The following GLG1 variants were observed in gnomAD, a reference collection of about 807,000 sequenced individuals.
GLG1 encodes the protein Golgi apparatus protein 1.
Under a neutral mutation model 160.5 loss-of-function variants are expected in GLG1, and 38 were observed. The observed-to-expected ratio is 0.24, with a 90% CI of 0.18 to 0.31. GLG1 has a LOEUF of 0.31. Among genes scored for constraint, GLG1 ranks in the 10% least tolerant of loss-of-function variants. The probability of loss-of-function intolerance (pLI) is 1.00; values close to 1 mark genes in which losing one functional copy is unlikely to be tolerated. For missense variants in GLG1, 1,373 were observed against 1,505.2 expected (o/e 0.91, Z 1.45); for synonymous variants, 644 against 543.4 (o/e 1.19, Z -2.57).
intron 1 of GLG1, among the ~76,000 whole-genome samples, chr16:74,565,626 TC>T (rs2018634126): frequency 6.6e-6 from 1 of 152,320 alleles, no homozygotes; most frequent in East Asian, 1.9e-4. Flanking sequence ...GTACCTCACT[TC>T]CTTTCCTGTA....
rs369032735 is a variant in GLG1, at chr16:74,589,212, G to A, written c.438+17445C>T. On this transcript the variant is annotated intron_variant, in intron 1 of 25. Transcript: ENST00000422840. Reference sequence around the variant, plus strand: ...AGAGGTTGCAGTGAGCCAAGATTGCGCCACTGCACTCCAGCCTGGGTGAAA... The same window carrying A: ...AGAGGTTGCAGTGAGCCAAGATTGCACCACTGCACTCCAGCCTGGGTGAAA... Among the ~76,000 whole-genome samples the A allele has an allele frequency of 2.0e-4, 30 of 151,048 alleles. 1 individual carries two copies. Among genetic ancestry groups the A allele is most frequent in the East Asian group, 1.4e-3 (7 of 5,134 alleles).
intron 22 of GLG1, among the ~76,000 whole-genome samples, chr16:74,460,019 C>T (rs1022677317): frequency 1.5e-5 from 2 of 137,244 alleles, no homozygotes; most frequent in South Asian, 4.5e-4. Flanking sequence ...CCATGCCTGG[C>T]TGATTTTTTT....
Position 74,490,965 on chromosome 16 carries a change from G to C in GLG1, c.1449+36C>G, listed in dbSNP as rs756345513. 63 of 1,434,722 alleles carry C rather than the reference G, an allele frequency of 4.4e-5. 1 individual carries two copies. The South Asian group carries it at 6.9e-4, about 16-fold the overall frequency. The allele number at this position is 1,434,722 out of a possible 1,614,324, so 88.9% of individuals were successfully genotyped here. ...GGAAGAGGCTCTTCAGCTGATAAAT[G>C]TGACATTCAAAATGGCAATAGCAAT... is the stretch of plus-strand genomic sequence containing the variant. On this transcript the variant is annotated intron_variant, in intron 8 of 25. Transcript: ENST00000422840.
At chr16:74,463,876 CT>C (rs35730836) in intron 19 of GLG1, 53,481 of 169,094 alleles carry the variant, frequency 0.32, 7,370 homozygotes, top group Middle Eastern at 0.38. Context: ...CGCCTGGCCA[CT>C]TTTTTTTTTT....
intron 2 of GLG1, among the ~76,000 whole-genome samples, chr16:74,525,982 C>T (rs151296349): frequency 0.015 from 2,213 of 152,028 alleles, 55 homozygotes; most frequent in African/African-American, 0.05. Flanking sequence ...AGAGCAAGAC[C>T]CCCATCTCTA....
chr16:74,476,915 G>A (rs1050290651), intron 12 of GLG1, among the ~76,000 whole-genome samples: 2 of 152,158 alleles, frequency 1.3e-5, no homozygotes, highest in African/African-American at 4.8e-5. Context: ...ATGCAGACCA[G>A]TACTCACATA....
intron 17 of GLG1, 37 bp from the exon 18 acceptor site, chr16:74,467,885 T>C: frequency 1.4e-6 from 2 of 1,391,086 alleles, no homozygotes; most frequent in Middle Eastern, 3.6e-4. Context: ...GTGAGCTTGG[T>C]TTAGGCTGGA....
chr16:74,481,870 C>T (rs1034640350), intron 10 of GLG1, among the ~76,000 whole-genome samples: 1 of 152,156 alleles, frequency 6.6e-6, no homozygotes, highest in Non-Finnish European at 1.5e-5. Context: ...GGGCAACCTC[C>T]GCCTCCCGGG....
intron 2 of GLG1, among the ~76,000 whole-genome samples, chr16:74,527,326 T>C (rs2017371481): frequency 6.9e-6 from 1 of 144,070 alleles, no homozygotes; most frequent in Admixed American, 7.5e-5. Context: ...CTCGGCTCAC[T>C]GCAACCTCTA....
chr16:74,538,109 T>C (rs1303431105), intron 1 of GLG1, among the ~76,000 whole-genome samples: 1 of 150,502 alleles, frequency 6.6e-6, no homozygotes, highest in Non-Finnish European at 1.5e-5. Context: ...CATAAAGGAA[T>C]AGGGTCCTTT....
intron 8 of GLG1, among the ~76,000 whole-genome samples, chr16:74,487,267 C>T (rs980620371): frequency 3.3e-5 from 5 of 152,042 alleles, no homozygotes; most frequent in Admixed American, 6.6e-5. Flanking sequence ...TACTGGTTTG[C>T]GTTCCCTTTT....
chr16:74,559,923 A>C (rs1053632177), intron 1 of GLG1, among the ~76,000 whole-genome samples: 3 of 152,220 alleles, frequency 2.0e-5, no homozygotes, highest in African/African-American at 7.2e-5. Context: ...AGAAGACAGC[A>C]CACAGAGTTC....
At chr16:74,593,245 C>T (rs922218517) in intron 1 of GLG1, among the ~76,000 whole-genome samples, 2 of 152,098 alleles carry the variant, frequency 1.3e-5, no homozygotes. Context: ...GATGGCATTA[C>T]GTTTGTCAAT....
At chr16:74,538,573 T>A (rs1285540531) in intron 1 of GLG1, among the ~76,000 whole-genome samples, 1 of 152,220 alleles carries the variant, frequency 6.6e-6, no homozygotes, top group Non-Finnish European at 1.5e-5. Context: ...GGCTGAGTAT[T>A]GTTTTTCCAA....
At chr16:74,536,330 A>AT (rs960280346) in intron 1 of GLG1, among the ~76,000 whole-genome samples, 36 of 152,174 alleles carry the variant, frequency 2.4e-4, no homozygotes, top group Non-Finnish European at 4.6e-4. Context: ...AAAACTGAGG[A>AT]TTTTTTTTCT....
chr16:74,462,985 A>G, intron 20 of GLG1: 1 of 415,704 alleles, frequency 2.4e-6, no homozygotes, highest in Non-Finnish European at 4.3e-6. Flanking sequence ...CACTGTGACC[A>G]TTAACTTACG....
chr16:74,522,311 T>C (rs142500687), intron 2 of GLG1, among the ~76,000 whole-genome samples: 37 of 152,376 alleles, frequency 2.4e-4, no homozygotes, highest in African/African-American at 7.5e-4. Context: ...CTGTATCATT[T>C]GCTATGCTTT....
intron 1 of GLG1, among the ~76,000 whole-genome samples, chr16:74,543,903 G>A (rs2017972351): frequency 6.6e-6 from 1 of 152,096 alleles, no homozygotes; most frequent in African/African-American, 2.4e-5. Context: ...GAGAATAGGG[G>A]GGAGATGGGA....
At chr16:74,462,443 G>A (rs1421984627) in intron 21 of GLG1, 45 bp downstream of exon 21, 1 of 1,556,638 alleles carries the variant, frequency 6.4e-7, no homozygotes, top group Admixed American at 1.8e-5. Flanking sequence ...CCCAGGGACA[G>A]AGGCTCCATA....
Sources: allele counts gnomAD v4.1 joint callset (sites outside exome capture counted in the v4.1 genomes callset), GRCh38; gene constraint gnomAD v4.1.1; transcripts MANE v1.5; gene names NCBI Gene and HGNC (gene_info 2026-07-23, HGNC 2026-07-21).